Variants in MALRD1 observed in about 807,000 individuals in gnomAD.
MALRD1 encodes MAM and LDL receptor class A domain containing 1, also known as MAM and LDL-receptor class A domain-containing protein 1.
Under a neutral mutation model 242.1 loss-of-function variants are expected in MALRD1, and 247 were observed. The ratio of observed to expected loss-of-function variants is 1.02; its 90% confidence interval spans 0.92 to 1.13. MALRD1 has a LOEUF of 1.13. Among genes scored for constraint, MALRD1 ranks in the 50% most tolerant of loss-of-function variants. The probability of loss-of-function intolerance (pLI) is 0.00; values close to 1 mark genes in which losing one functional copy is unlikely to be tolerated. For missense variants in MALRD1, 2,989 were observed against 2,533.1 expected (o/e 1.18, Z -3.86); for synonymous variants, 995 against 866.6 (o/e 1.15, Z -2.60).
intron 24 of MALRD1, 58 bp from the exon 25 acceptor site, chr10:19,347,713 T>A: frequency 6.5e-7 from 1 of 1,527,740 alleles, no homozygotes; most frequent in South Asian, 1.2e-5. Context: ...TTGAATTGCA[T>A]GTTTTAAAGT....
chr10:19,634,206 T>G (rs1840030510), intron 36 of MALRD1, among the ~76,000 whole-genome samples: 1 of 152,146 alleles, frequency 6.6e-6, no homozygotes, highest in Non-Finnish European at 1.5e-5. Flanking sequence ...ATCAAAAAGT[T>G]ATTCCTCTCA....
intron 10 of MALRD1, among the ~76,000 whole-genome samples, chr10:19,141,906 C>G (rs1463762518): frequency 6.6e-6 from 1 of 151,962 alleles, no homozygotes; most frequent in Non-Finnish European, 1.5e-5. Flanking sequence ...GGTGCGGTGG[C>G]TCACGCCTGT....
intron 36 of MALRD1, among the ~76,000 whole-genome samples, chr10:19,662,357 T>G (rs953397999): frequency 1.3e-5 from 2 of 152,090 alleles, no homozygotes; most frequent in Non-Finnish European, 2.9e-5. Context: ...TAAGGGAGAT[T>G]AGGAAGCACA....
At chr10:19,421,229 A>G (rs989514315) in intron 28 of MALRD1, among the ~76,000 whole-genome samples, 22 of 152,142 alleles carry the variant, frequency 1.4e-4, no homozygotes, top group Admixed American at 1.3e-3. Context: ...GTATGTGTGC[A>G]TGTTTGTGCA....
At chr10:19,321,663 G>A (rs1842919470) in intron 21 of MALRD1, among the ~76,000 whole-genome samples, 1 of 152,034 alleles carries the variant, frequency 6.6e-6, no homozygotes, top group Non-Finnish European at 1.5e-5. Context: ...CCACTTAGAA[G>A]TGTACAGTAG....
intron 38 of MALRD1, among the ~76,000 whole-genome samples, chr10:19,699,203 T>TATAATAATAATAATAATAATA (rs149007944): frequency 7.1e-4 from 105 of 147,284 alleles, no homozygotes; most frequent in African/African-American, 2.5e-3. Flanking sequence ...GAACTTAAAG[T>TATAATAATAATAATAATAATA]ATAATAATAA....
At chr10:19,684,402 A>G (rs1842491222) in intron 36 of MALRD1, among the ~76,000 whole-genome samples, 2 of 152,336 alleles carry the variant, frequency 1.3e-5, no homozygotes, top group South Asian at 2.1e-4. Context: ...AAAGCATGTA[A>G]TATAAATGGA....
chr10:19,377,201 A>G (rs889804577), intron 26 of MALRD1, among the ~76,000 whole-genome samples: 1 of 152,184 alleles, frequency 6.6e-6, no homozygotes, highest in African/African-American at 2.4e-5. Flanking sequence ...TAACTTTTGC[A>G]AAGTGGAGAG....
intron 28 of MALRD1, among the ~76,000 whole-genome samples, chr10:19,432,695 T>A (rs763227271): frequency 2.0e-5 from 3 of 152,190 alleles, no homozygotes; most frequent in Non-Finnish European, 4.4e-5. Context: ...AGCAAGTTGA[T>A]TCAACATGAA....
chr10:19,258,506 A>T (rs1310114546), intron 19 of MALRD1, among the ~76,000 whole-genome samples: 1 of 152,168 alleles, frequency 6.6e-6, no homozygotes, highest in East Asian at 1.9e-4. Context: ...GAGTGATCAG[A>T]GGCTGGGGCC....
At position 19,049,138 on chromosome 10, in the gene MALRD1, G is replaced by A. The variant is rs1186794725; in HGVS notation, c.199+1G>A. The stretch of plus-strand genomic sequence containing the variant: ...GGGGATAGCAGTGATGAACGGCACT[G>A]TAAGTGACATTCTCCTTTCTCCAAT... On this transcript the variant is annotated splice_donor_variant, in intron 1 of 39. Transcript: ENST00000454679. LOFTEE classifies it high-confidence loss of function. The A allele has an allele frequency of 8.1e-7, 1 of 1,233,808 alleles. No homozygotes were observed. The highest frequency in any genetic ancestry group is 3.2e-5 in the East Asian group (1 of 31,702). 76.4% of individuals were successfully genotyped at this position (1,233,808 alleles called of 1,614,324 possible). A position where few individuals can be genotyped will look rare whatever the true frequency, so the allele number is the denominator to read the frequency against.
At chr10:19,077,068 AT>A (rs1233939367) in intron 2 of MALRD1, among the ~76,000 whole-genome samples, 1 of 151,732 alleles carries the variant, frequency 6.6e-6, no homozygotes, top group East Asian at 1.9e-4. Context: ...TTTAAATGAG[AT>A]TTTTTCTTGA....
intron 36 of MALRD1, among the ~76,000 whole-genome samples, chr10:19,670,068 A>G (rs974539695): frequency 3.5e-5 from 4 of 115,352 alleles, no homozygotes; most frequent in South Asian, 2.6e-4. Context: ...TCGCACGTGC[A>G]CACACACACA....
chr10:19,705,804 T>TGAAAAAAAAAAAAAAAAAAAAAAAA (rs71388859), intron 38 of MALRD1, among the ~76,000 whole-genome samples: 2 of 102,814 alleles, frequency 1.9e-5, no homozygotes, highest in Non-Finnish European at 3.5e-5. Context: ...CCTGCAATAG[T>TGAAAAAAAAAAAAAAAAAAAAAAAA]AAAAAAAAAA....
chr10:19,314,502 C>A (rs1588895651), intron 21 of MALRD1, among the ~76,000 whole-genome samples: 1 of 151,638 alleles, frequency 6.6e-6, no homozygotes, highest in Middle Eastern at 3.4e-3. Flanking sequence ...TTGCATGAAT[C>A]CATGAAATGG....
chr10:19,621,480 A>G (rs1839400833), intron 36 of MALRD1, among the ~76,000 whole-genome samples: 2 of 151,668 alleles, frequency 1.3e-5, no homozygotes, highest in Admixed American at 1.3e-4. Context: ...TTTTCAAAGG[A>G]TGATATATTC....
At chr10:19,271,319 C>G (rs1272229104) in intron 19 of MALRD1, among the ~76,000 whole-genome samples, 1 of 152,080 alleles carries the variant, frequency 6.6e-6, no homozygotes, top group African/African-American at 2.4e-5. Context: ...GAGGAAAATA[C>G]CACATGGCAT....
chr10:19,351,549 G>A (rs1189175963), intron 25 of MALRD1, among the ~76,000 whole-genome samples: 2 of 152,076 alleles, frequency 1.3e-5, no homozygotes, highest in Non-Finnish European at 2.9e-5. Context: ...TACAAGAATG[G>A]CAGTGGAATA....
At chr10:19,704,750 G>C (rs1312193593) in intron 38 of MALRD1, among the ~76,000 whole-genome samples, 2 of 152,118 alleles carry the variant, frequency 1.3e-5, no homozygotes, top group African/African-American at 4.8e-5. Context: ...ATATATGTTT[G>C]ACTCTGATGA....
Sources: allele counts gnomAD v4.1 joint callset (sites outside exome capture counted in the v4.1 genomes callset), GRCh38; gene constraint gnomAD v4.1.1; transcripts MANE v1.5; gene names NCBI Gene and HGNC (gene_info 2026-07-23, HGNC 2026-07-21).